The following RALGAPA1 variants were observed in gnomAD, a reference collection of about 807,000 sequenced individuals.
The protein encoded by RALGAPA1 is Ral GTPase activating protein catalytic subunit alpha 1.
RALGAPA1 carries 52 observed loss-of-function variants against 269.6 expected under a neutral mutation model. The observed-to-expected ratio is 0.19, with a 90% CI of 0.15 to 0.24. The LOEUF is 0.24. Among genes scored for constraint, RALGAPA1 ranks in the 10% least tolerant of loss-of-function variants. The pLI is 1.00. For missense variants in RALGAPA1, 1,917 were observed against 3,013.9 expected, an observed-to-expected ratio of 0.64 and a Z score of 8.52; for synonymous variants, 817 against 1,008.3, an observed-to-expected ratio of 0.81 and a Z score of 3.60.
intron 10 of RALGAPA1, among the ~76,000 whole-genome samples, chr14:35,746,732 C>CA (rs2072141012): frequency 3.3e-5 from 5 of 151,776 alleles, no homozygotes. Flanking sequence ...CACACCAACA[C>CA]AAAAAATAGA....
At chr14:35,808,612 G>C in intron 1 of RALGAPA1, 118 bp downstream of exon 1, 2 of 1,078,702 alleles carry the variant, frequency 1.9e-6, no homozygotes, top group South Asian at 1.4e-5. Context: ...TCTCCGCAGA[G>C]GCTACGATTT....
intron 39 of RALGAPA1, 130 bp from the exon 40 acceptor site, chr14:35,549,364 T>C (rs890774752): frequency 1.3e-5 from 12 of 955,846 alleles, no homozygotes; most frequent in Admixed American, 6.1e-5. Context: ...ATTATTCTTA[T>C]ATATTGTTAA....
chr14:35,706,111 G>A (rs1428188599), intron 16 of RALGAPA1, among the ~76,000 whole-genome samples: 1 of 152,090 alleles, frequency 6.6e-6, no homozygotes, highest in Non-Finnish European at 1.5e-5. Context: ...CCTTAACAAT[G>A]TCTCTCACAA....
At chr14:35,766,576 G>C (rs1280682260) in intron 4 of RALGAPA1, 4 of 798,738 alleles carry the variant, frequency 5.0e-6, no homozygotes, top group Admixed American at 1.7e-5. Context: ...CTACAATATG[G>C]TCACAGATGT....
intron 31 of RALGAPA1, among the ~76,000 whole-genome samples, chr14:35,643,823 G>C (rs1342846367): frequency 6.6e-6 from 1 of 152,136 alleles, no homozygotes; most frequent in Non-Finnish European, 1.5e-5. Context: ...ATCTGTGGGA[G>C]ATAAATATGA....
chr14:35,672,679 T>C (rs1043770151), intron 25 of RALGAPA1, among the ~76,000 whole-genome samples, 188 bp downstream of exon 25: 3 of 152,140 alleles, frequency 2.0e-5, no homozygotes, highest in Non-Finnish European at 4.4e-5. Flanking sequence ...CCTACAATAA[T>C]AGCTTGATTT....
chr14:35,639,360 T>G (rs867927575), intron 31 of RALGAPA1, among the ~76,000 whole-genome samples: 1 of 152,196 alleles, frequency 6.6e-6, no homozygotes. Flanking sequence ...ACTTTCAGCA[T>G]TGGACATTTC....
intron 37 of RALGAPA1, among the ~76,000 whole-genome samples, chr14:35,590,660 A>C (rs2058580091): frequency 6.6e-6 from 1 of 152,228 alleles, no homozygotes; most frequent in African/African-American, 2.4e-5. Flanking sequence ...GAGTCAATTA[A>C]ACCTCTTTTC....
intron 41 of RALGAPA1, among the ~76,000 whole-genome samples, chr14:35,547,522 G>A (rs1266135632): frequency 6.6e-6 from 1 of 152,070 alleles, no homozygotes; most frequent in Non-Finnish European, 1.5e-5. Context: ...GAAATTTATG[G>A]CTTGACTATA....
chr14:35,582,399 A>C (rs1339506265), intron 37 of RALGAPA1, among the ~76,000 whole-genome samples: 1 of 152,272 alleles, frequency 6.6e-6, no homozygotes, highest in Non-Finnish European at 1.5e-5. Context: ...AATGCCGAAC[A>C]AACTGAAAAT....
chr14:35,743,983 CA>C (rs2071807844), intron 10 of RALGAPA1, among the ~76,000 whole-genome samples: 1 of 152,058 alleles, frequency 6.6e-6, no homozygotes, highest in Non-Finnish European at 1.5e-5. Flanking sequence ...AATAAAACAG[CA>C]AAAATACGCT....
intron 37 of RALGAPA1, among the ~76,000 whole-genome samples, chr14:35,578,914 G>A (rs988443049): frequency 2.0e-5 from 3 of 152,166 alleles, no homozygotes; most frequent in Non-Finnish European, 4.4e-5. Context: ...TTGTTCTCAT[G>A]ACCTTGATAT....
intron 25 of RALGAPA1, among the ~76,000 whole-genome samples, chr14:35,671,953 T>A (rs917245727): frequency 8.5e-5 from 13 of 152,324 alleles, no homozygotes; most frequent in Admixed American, 7.2e-4. Flanking sequence ...TGAAGTCCTT[T>A]AATGATAGGT....
intron 37 of RALGAPA1, among the ~76,000 whole-genome samples, chr14:35,585,741 T>C (rs1240916202): frequency 6.6e-6 from 1 of 152,204 alleles, no homozygotes; most frequent in Non-Finnish European, 1.5e-5. Flanking sequence ...TTGTCAGGTG[T>C]GTCAAAGATC....
At chr14:35,793,605 C>CA (rs386381115) in intron 1 of RALGAPA1, among the ~76,000 whole-genome samples, 1 of 151,998 alleles carries the variant, frequency 6.6e-6, no homozygotes, top group Non-Finnish European at 1.5e-5. Context: ...AACACACACA[C>CA]ACACACACAG....
intron 37 of RALGAPA1, among the ~76,000 whole-genome samples, chr14:35,578,602 C>G (rs1303430417): frequency 6.6e-6 from 1 of 152,208 alleles, no homozygotes; most frequent in African/African-American, 2.4e-5. Flanking sequence ...GCATCCAATA[C>G]TATGCCTTAG....
At chr14:35,724,245 A>T (rs2069686005) in intron 14 of RALGAPA1, among the ~76,000 whole-genome samples, 1 of 152,162 alleles carries the variant, frequency 6.6e-6, no homozygotes, top group South Asian at 2.1e-4. Context: ...TGATACATGT[A>T]GCTGGTTTTA....
intron 26 of RALGAPA1, among the ~76,000 whole-genome samples, chr14:35,667,931 A>G (rs985210143): frequency 3.9e-5 from 6 of 152,256 alleles, no homozygotes; most frequent in African/African-American, 1.4e-4. Context: ...ATGAATGGAT[A>G]AAGAAAATGT....
intron 31 of RALGAPA1, among the ~76,000 whole-genome samples, chr14:35,648,972 A>C (rs2062642001): frequency 6.6e-6 from 1 of 152,072 alleles, no homozygotes; most frequent in Non-Finnish European, 1.5e-5. Context: ...TTATTCTTTA[A>C]TGTGCTATAC....
Sources: allele counts gnomAD v4.1 joint callset (sites outside exome capture counted in the v4.1 genomes callset), GRCh38; gene constraint gnomAD v4.1.1; transcripts MANE v1.5; gene names NCBI Gene and HGNC (gene_info 2026-07-23, HGNC 2026-07-21).